NTNG1: variants seen among roughly 807,000 people sequenced by gnomAD.
NTNG1 encodes the protein netrin G1.
A neutral mutation model predicts 54.0 loss-of-function variants in NTNG1; 16 were observed. The ratio of observed to expected loss-of-function variants is 0.30; its 90% confidence interval spans 0.20 to 0.45. The LOEUF (loss-of-function observed/expected upper bound fraction) is 0.45. Ranked by LOEUF, NTNG1 falls within the 20% of genes least tolerant of loss-of-function variation. The probability of loss-of-function intolerance (pLI) is 1.00; values close to 1 mark genes in which losing one functional copy is unlikely to be tolerated. For synonymous variants in NTNG1, 255 were observed against 263.1 expected (o/e 0.97, Z 0.30); for missense variants, 530 against 678.7 (o/e 0.78, Z 2.43).
chr1:107,278,837 G>A (rs1041568353), intron 2 of NTNG1, among the ~76,000 whole-genome samples: 4 of 152,098 alleles, frequency 2.6e-5, no homozygotes, highest in African/African-American at 4.8e-5. Flanking sequence ...ACATCAGTGA[G>A]CACTTAAATT....
intron 5 of NTNG1, among the ~76,000 whole-genome samples, chr1:107,413,401 T>A (rs182596548): frequency 2.0e-4 from 31 of 152,188 alleles, no homozygotes; most frequent in African/African-American, 5.8e-4. Flanking sequence ...GATTTCTTTC[T>A]GGGCATCAAT....
At chr1:107,157,117 TTTCTC>T (rs1261573449) in intron 2 of NTNG1, among the ~76,000 whole-genome samples, 1 of 152,218 alleles carries the variant, frequency 6.6e-6, no homozygotes. Flanking sequence ...ATTATATTCT[TTTCTC>T]TTATTTAACA....
At chr1:107,350,873 T>C (rs1471904277) in intron 3 of NTNG1, among the ~76,000 whole-genome samples, 1 of 152,190 alleles carries the variant, frequency 6.6e-6, no homozygotes, top group African/African-American at 2.4e-5. Flanking sequence ...TGTCAAAAAG[T>C]GCAAAGTTTC....
intron 3 of NTNG1, among the ~76,000 whole-genome samples, chr1:107,388,095 A>T (rs1244603517): frequency 6.6e-6 from 1 of 152,178 alleles, no homozygotes; most frequent in Non-Finnish European, 1.5e-5. Context: ...TTAGGACTAT[A>T]TATTGCCTTC....
chr1:107,172,160 G>A (rs746064041), intron 2 of NTNG1, among the ~76,000 whole-genome samples: 4 of 152,006 alleles, frequency 2.6e-5, no homozygotes, highest in Non-Finnish European at 5.9e-5. Flanking sequence ...GTATGACATA[G>A]GTATTATTAT....
intron 2 of NTNG1, among the ~76,000 whole-genome samples, chr1:107,224,643 C>T (rs1199129998): frequency 6.6e-6 from 1 of 152,044 alleles, no homozygotes; most frequent in Non-Finnish European, 1.5e-5. Context: ...AAATGGGACT[C>T]GATTCCATTT....
chr1:107,187,471 G>T (rs921665963), intron 2 of NTNG1, among the ~76,000 whole-genome samples: 17 of 152,144 alleles, frequency 1.1e-4, no homozygotes, highest in Non-Finnish European at 2.1e-4. Context: ...TTAAGCTCTA[G>T]CATATCACTG....
chr1:107,395,685 A>T (rs1416184635), intron 4 of NTNG1, among the ~76,000 whole-genome samples: 45 of 152,182 alleles, frequency 3.0e-4, no homozygotes, highest in Non-Finnish European at 1.3e-4. Flanking sequence ...AATTTTAGCC[A>T]TAAACAATTT....
At chr1:107,235,852 T>C (rs1023098657) in intron 2 of NTNG1, among the ~76,000 whole-genome samples, 6 of 152,120 alleles carry the variant, frequency 3.9e-5, no homozygotes, top group Non-Finnish European at 7.3e-5. Context: ...GGAGTAACTT[T>C]GGGAAGACTA....
rs1239845527 is a variant in NTNG1 at position 107,436,661 on chromosome 1, A to G, written c.1256-4A>G. ...CCAGCCTGTGTGTTGTCTTGTTTCTACAGAGTGTTATTGTAACCCTTTGGG... is the reference window on the plus strand; with the variant it reads ...CCAGCCTGTGTGTTGTCTTGTTTCTGCAGAGTGTTATTGTAACCCTTTGGG... On this transcript the variant is annotated splice_region_variant and splice_polypyrimidine_tract_variant and intron_variant, in intron 6 of 7. Transcript: ENST00000370068. 1.2e-6 allele frequency: 2 copies of G among 1,612,262 alleles called. No individual in the cohort carries two copies. Among genetic ancestry groups the G allele is most frequent in the African/African-American group, 1.3e-5 (1 of 75,004 alleles).
chr1:107,308,655 T>C (rs1666826390), intron 2 of NTNG1, among the ~76,000 whole-genome samples: 1 of 152,214 alleles, frequency 6.6e-6, no homozygotes, highest in Admixed American at 6.5e-5. Context: ...TGGTTCCAAA[T>C]GAATTTTAGA....
intron 3 of NTNG1, among the ~76,000 whole-genome samples, chr1:107,344,629 G>T (rs931022269): frequency 2.0e-5 from 3 of 152,132 alleles, no homozygotes; most frequent in Admixed American, 6.6e-5. Context: ...CAGCAAACTT[G>T]TCATTCTGTT....
At chr1:107,399,192 T>A (rs1672869239) in intron 4 of NTNG1, among the ~76,000 whole-genome samples, 1 of 152,170 alleles carries the variant, frequency 6.6e-6, no homozygotes, top group Non-Finnish European at 1.5e-5. Context: ...TTTTACCCAA[T>A]GTTTCTCAAA....
At chr1:107,199,175 A>G (rs1276382574) in intron 2 of NTNG1, among the ~76,000 whole-genome samples, 1 of 151,862 alleles carries the variant, frequency 6.6e-6, no homozygotes, top group African/African-American at 2.4e-5. Flanking sequence ...CATATATTCT[A>G]TATATCATTT....
rs77851758 is a variant in NTNG1 at position 107,473,463 on chromosome 1, T to A, written c.1391-7148T>A. On this transcript the variant is annotated intron_variant, in intron 7 of 7. Coordinates refer to ENST00000370068, the MANE Select transcript of NTNG1 (RefSeq NM_001113226.3). Reference sequence around the variant, plus strand: ...CTGAGCATAAGGAGTCCATCTGTGGTCAGTTTTTCCATACCTTCCAGAAAG... The same window carrying A: ...CTGAGCATAAGGAGTCCATCTGTGGACAGTTTTTCCATACCTTCCAGAAAG... Among the ~76,000 whole-genome samples, 672 of 152,262 alleles carry A rather than the reference T, an allele frequency of 4.4e-3. 4 individuals are homozygous for A. The highest frequency in any genetic ancestry group is 0.015 in the African/African-American group (632 of 41,542).
At chr1:107,187,855 G>A (rs1657581007) in intron 2 of NTNG1, among the ~76,000 whole-genome samples, 1 of 152,130 alleles carries the variant, frequency 6.6e-6, no homozygotes. Flanking sequence ...GCAGAGATTG[G>A]AGCAGGAAGG....
At chr1:107,404,024 T>C (rs554585931) in intron 4 of NTNG1, among the ~76,000 whole-genome samples, 304 of 151,550 alleles carry the variant, frequency 2.0e-3, no homozygotes, top group African/African-American at 7.0e-3. Flanking sequence ...GTTCCAGAGA[T>C]GGAGTTAAGC....
chr1:107,214,909 T>C (rs1659851369), intron 2 of NTNG1, among the ~76,000 whole-genome samples: 1 of 152,184 alleles, frequency 6.6e-6, no homozygotes, highest in Admixed American at 6.5e-5. Flanking sequence ...TTCATATTTT[T>C]TTTGGCCATT....
intron 2 of NTNG1, among the ~76,000 whole-genome samples, chr1:107,237,863 G>A (rs2101564313): frequency 6.6e-6 from 1 of 152,322 alleles, no homozygotes; most frequent in Middle Eastern, 3.4e-3. Context: ...AAAGTTTGCT[G>A]CAGGGATGGG....
Sources: allele counts gnomAD v4.1 joint callset (sites outside exome capture counted in the v4.1 genomes callset), GRCh38; gene constraint gnomAD v4.1.1; transcripts MANE v1.5; gene names NCBI Gene and HGNC (gene_info 2026-07-23, HGNC 2026-07-21).